GRIN2B: variants seen among roughly 807,000 people sequenced by gnomAD.
GRIN2B encodes the protein glutamate ionotropic receptor NMDA type subunit 2B.
In GRIN2B, 5 loss-of-function variants were observed where a neutral mutation model predicts 114.5. The observed-to-expected ratio is 0.04, with a 90% CI of 0.02 to 0.09. The LOEUF (loss-of-function observed/expected upper bound fraction) is 0.09. Among genes scored for constraint, GRIN2B ranks in the 10% least tolerant of loss-of-function variants. GRIN2B has a pLI of 1.00. For missense variants in GRIN2B, 1,108 were observed against 1,943.5 expected (o/e 0.57, Z 8.08); for synonymous variants, 787 against 745.1 (o/e 1.06, Z -0.92).
intron 2 of GRIN2B, among the ~76,000 whole-genome samples, chr12:13,923,517 C>T (rs1032752013): frequency 1.3e-5 from 2 of 152,114 alleles, no homozygotes; most frequent in Admixed American, 6.5e-5. Context: ...GGTAAGTGAC[C>T]TCTATGGTAC....
chr12:13,577,662 T>C (rs1948794914), intron 10 of GRIN2B, among the ~76,000 whole-genome samples: 2 of 152,264 alleles, frequency 1.3e-5, no homozygotes, highest in South Asian at 4.1e-4. Flanking sequence ...ATTGCCACTC[T>C]TATTCAATAC....
chr12:13,657,788 T>C (rs1364421372), intron 5 of GRIN2B, among the ~76,000 whole-genome samples: 1 of 152,170 alleles, frequency 6.6e-6, no homozygotes, highest in African/African-American at 2.4e-5. Flanking sequence ...AGTAGATAAA[T>C]GGTTAGTTTA....
chr12:13,645,679 T>G (rs1353149692), intron 5 of GRIN2B, among the ~76,000 whole-genome samples: 3 of 152,052 alleles, frequency 2.0e-5, no homozygotes, highest in African/African-American at 7.2e-5. Context: ...CTTCCTTTTT[T>G]TTTTCTCTCC....
At chr12:13,676,842 T>C (rs1950079283) in intron 4 of GRIN2B, among the ~76,000 whole-genome samples, 1 of 152,076 alleles carries the variant, frequency 6.6e-6, no homozygotes, top group Non-Finnish European at 1.5e-5. Flanking sequence ...ACACTATGTA[T>C]AGGGAACAGA....
At chr12:13,666,296 C>G (rs920623647) in intron 5 of GRIN2B, among the ~76,000 whole-genome samples, 27 of 152,094 alleles carry the variant, frequency 1.8e-4, no homozygotes, top group African/African-American at 6.5e-4. Flanking sequence ...GAACTAAGAC[C>G]TGGAACGCCT....
Position 13,544,598 on chromosome 12 carries a change from G to C in GRIN2B, c.*18185C>G, listed in dbSNP as rs1948321389. ...ACTATAAGGCTTTCCTTCCCAGTCA[G>C]CCTCACCTGCAGGATTCCTGTCTTA... On this transcript the variant is annotated 3_prime_UTR_variant, in exon 14 of 14. Coordinates refer to ENST00000609686, the MANE Select transcript of GRIN2B (RefSeq NM_000834.5). The C allele has an allele frequency of 6.6e-6, 1 of 152,118 alleles. No homozygotes were observed. Among genetic ancestry groups the C allele is most frequent in the African/African-American group, 2.4e-5 (1 of 41,404 alleles). 9.4% of individuals were successfully genotyped at this position (152,118 alleles called of 1,614,324 possible). A position where few individuals can be genotyped will look rare whatever the true frequency, so the allele number is the denominator to read the frequency against.
intron 4 of GRIN2B, among the ~76,000 whole-genome samples, chr12:13,705,782 T>C (rs2136573883): frequency 6.6e-6 from 1 of 152,282 alleles, no homozygotes; most frequent in Non-Finnish European, 1.5e-5. Context: ...TTAATCAAGA[T>C]GGCTAAAGAC....
At position 13,537,371 on chromosome 12, in the gene GRIN2B, C is replaced by T. The variant is rs1440738996; in HGVS notation, c.*25412G>A. 1 of 152,086 alleles carries T rather than the reference C, an allele frequency of 6.6e-6. No homozygotes were observed. Among genetic ancestry groups the T allele is most frequent in the Non-Finnish European group, 1.5e-5 (1 of 68,032 alleles). The allele number at this position is 152,086 out of a possible 1,614,324, so 9.4% of individuals were successfully genotyped here. A position where few individuals can be genotyped will look rare whatever the true frequency, so the allele number is the denominator to read the frequency against. ...AGTTTAAATTTTATGTGTAGAATTT[C>T]CTTTACATAGAGGAGCTTTGCAGTA... On this transcript the variant is annotated 3_prime_UTR_variant, in exon 14 of 14. Transcript: ENST00000609686.
In GRIN2B at chr12:13,554,011, G is replaced by C. The variant is rs559617957; in HGVS notation, c.*8772C>G. 1 of 152,244 alleles carries C rather than the reference G, an allele frequency of 6.6e-6. No homozygotes were observed. Among genetic ancestry groups the C allele is most frequent in the Admixed American group, 6.5e-5 (1 of 15,292 alleles). 9.4% of individuals were successfully genotyped at this position (152,244 alleles called of 1,614,324 possible). A position where few individuals can be genotyped will look rare whatever the true frequency, so the allele number is the denominator to read the frequency against. Reference sequence around the variant, plus strand: ...GTATATACATGTGATTGTGTGTGCAGATATATATAGAGAAACTGGGGGGAT... The same window carrying C: ...GTATATACATGTGATTGTGTGTGCACATATATATAGAGAAACTGGGGGGAT... On this transcript the variant is annotated 3_prime_UTR_variant, in exon 14 of 14. Coordinates refer to ENST00000609686, the MANE Select transcript of GRIN2B (RefSeq NM_000834.5).
Position 13,866,164 on chromosome 12 carries a change from C to T in GRIN2B, c.45G>A (p.Val15=), listed in dbSNP as rs374735893. ...TGCCTGACACGGCCAGGACGGCCAACACCAACCAGAACTTGGGAGAACAGC... is the reference window on the plus strand; with the variant it reads ...TGCCTGACACGGCCAGGACGGCCAATACCAACCAGAACTTGGGAGAACAGC... ...AECCSPKFWL[V]LAVLAVSGSR... is the part of the protein sequence containing the mutation. Residue 15 remains valine, a synonymous_variant, in exon 3 of 14, where the codon GTG becomes GTA. Transcript: ENST00000609686. 74 of 1,612,690 alleles carry T rather than the reference C, an allele frequency of 4.6e-5. No individual in the cohort carries two copies. In the African/African-American group the frequency reaches 8.8e-4, roughly 19 times the overall value.
intron 5 of GRIN2B, among the ~76,000 whole-genome samples, chr12:13,621,613 G>GTTTTT (rs869106790): frequency 1.4e-5 from 1 of 72,368 alleles, no homozygotes; most frequent in African/African-American, 5.6e-5. Context: ...CCTAGTTTTT[G>GTTTTT]TTTTTTTTTT....
At chr12:13,801,707 C>G (rs1225611681) in intron 3 of GRIN2B, among the ~76,000 whole-genome samples, 1 of 152,070 alleles carries the variant, frequency 6.6e-6, no homozygotes, top group Non-Finnish European at 1.5e-5. Flanking sequence ...TTGACAGAAC[C>G]AAAGAAAAGC....
At chr12:13,969,066 C>T (rs1867835925) in intron 2 of GRIN2B, among the ~76,000 whole-genome samples, 1 of 152,196 alleles carries the variant, frequency 6.6e-6, no homozygotes, top group Non-Finnish European at 1.5e-5. Flanking sequence ...GATACTCAGG[C>T]CTTAGCCATA....
chr12:13,655,003 G>A (rs779480908), intron 5 of GRIN2B, among the ~76,000 whole-genome samples: 1 of 152,106 alleles, frequency 6.6e-6, no homozygotes, highest in African/African-American at 2.4e-5. Context: ...CGGAAGAAAT[G>A]GAATTGAAAA....
intron 2 of GRIN2B, among the ~76,000 whole-genome samples, chr12:13,910,097 G>C (rs1029169362): frequency 6.6e-6 from 1 of 152,142 alleles, no homozygotes; most frequent in African/African-American, 2.4e-5. Context: ...TAGCCAAATT[G>C]CTTCCAAACC....
At chr12:13,662,692 G>T (rs534777664) in intron 5 of GRIN2B, among the ~76,000 whole-genome samples, 49 of 152,192 alleles carry the variant, frequency 3.2e-4, no homozygotes, top group African/African-American at 1.1e-3. Flanking sequence ...GAAAATATTC[G>T]CCAAATGCAT....
intron 3 of GRIN2B, among the ~76,000 whole-genome samples, chr12:13,774,198 C>T (rs1345399710): frequency 6.6e-6 from 1 of 152,192 alleles, no homozygotes; most frequent in Non-Finnish European, 1.5e-5. Flanking sequence ...TGTGATTTCT[C>T]TTTATACCCC....
chr12:13,793,772 T>A (rs1207557760), intron 3 of GRIN2B, among the ~76,000 whole-genome samples: 1 of 152,154 alleles, frequency 6.6e-6, no homozygotes, highest in Non-Finnish European at 1.5e-5. Context: ...CCAGGGGGAT[T>A]CTTCACACTC....
Position 13,556,228 on chromosome 12 carries a change from T to C in GRIN2B, c.*6555A>G, listed in dbSNP as rs1948477872. 1 of 152,184 alleles carries C rather than the reference T, an allele frequency of 6.6e-6. No individual in the cohort carries two copies. Among genetic ancestry groups the C allele is most frequent in the African/African-American group, 2.4e-5 (1 of 41,438 alleles). 9.4% of individuals were successfully genotyped at this position (152,184 alleles called of 1,614,324 possible). On this transcript the variant is annotated 3_prime_UTR_variant, in exon 14 of 14. Transcript: ENST00000609686. ...GACATGGGAAGCTGAATCTCTGCAA[T>C]GTTTTTTCAAATAGCATAATGGATA... is the stretch of plus-strand genomic sequence containing the variant.
Sources: gnomAD v4.1 joint callset for allele counts (sites outside exome capture counted in the v4.1 genomes callset) on GRCh38, gnomAD v4.1.1 for gene constraint, MANE v1.5 for transcripts, NCBI Gene and HGNC (gene_info 2026-07-23, HGNC 2026-07-21) for gene names.